CD46: variants seen among roughly 807,000 people sequenced by gnomAD.
The protein encoded by CD46 is membrane cofactor protein.
A neutral mutation model predicts 53.3 loss-of-function variants in CD46; 30 were observed. The observed-to-expected ratio is 0.56, with a 90% confidence interval of 0.42 to 0.76. CD46 has a LOEUF of 0.76. Among genes scored for constraint, CD46 ranks in the 30% least tolerant of loss-of-function variants. The pLI, the probability that CD46 is intolerant of heterozygous loss-of-function variation, is 0.00. For missense variants in CD46, 409 were observed against 463.0 expected (o/e 0.88, Z 1.07); for synonymous variants, 142 against 152.0 (o/e 0.93, Z 0.48).
At chr1:207,768,088 T>C (rs1488248211) in intron 7 of CD46, 1 of 396,444 alleles carries the variant, frequency 2.5e-6, no homozygotes, top group Admixed American at 3.9e-5. Context: ...TATAGAGAAA[T>C]TGATTTAGTA....
At chr1:207,779,913 C>CTTTTTTTTTTCTTTTTTTTTTTTTT (rs1658545318) in intron 8 of CD46, among the ~76,000 whole-genome samples, 1 of 62,384 alleles carries the variant, frequency 1.6e-5, no homozygotes, top group African/African-American at 6.3e-5. Flanking sequence ...AAAAGCAAGT[C>CTTTTTTTTTTCTTTTTTTTTTTTTT]TTTTTTTTTT....
chr1:207,776,925 C>T (rs1182289392), intron 8 of CD46, among the ~76,000 whole-genome samples: 1 of 152,216 alleles, frequency 6.6e-6, no homozygotes, highest in Non-Finnish European at 1.5e-5. Flanking sequence ...TGTGACCCAC[C>T]ATGCCCGGCC....
intron 11 of CD46, chr1:207,785,913 C>CT: frequency 2.3e-6 from 1 of 442,724 alleles, no homozygotes; most frequent in Non-Finnish European, 4.1e-6. Flanking sequence ...GCTATTATGA[C>CT]TTTAAGAAAA....
At chr1:207,770,209 A>G (rs1207616401) in intron 7 of CD46, 112 bp from the exon 8 acceptor site, 4 of 795,028 alleles carry the variant, frequency 5.0e-6, no homozygotes, top group Middle Eastern at 3.6e-4. Context: ...CAAAGTTTGT[A>G]AAGTGTGTAG....
At chr1:207,775,132 C>A (rs3109808) in intron 8 of CD46, among the ~76,000 whole-genome samples, 88,487 of 151,982 alleles carry the variant, frequency 0.58, 26,260 homozygotes, top group East Asian at 0.87. Context: ...TTAATCTGAT[C>A]TTCAATCACT....
At chr1:207,781,951 A>C (rs187693068) in intron 8 of CD46, among the ~76,000 whole-genome samples, 273 of 152,118 alleles carry the variant, frequency 1.8e-3, no homozygotes, top group Middle Eastern at 3.4e-3. Context: ...GAAAAAAAAA[A>C]CCAAAAAATA....
At chr1:207,772,312 G>A (rs1657600908) in intron 8 of CD46, among the ~76,000 whole-genome samples, 1 of 152,152 alleles carries the variant, frequency 6.6e-6, no homozygotes, top group South Asian at 2.1e-4. Flanking sequence ...CTGAGACGAT[G>A]GGGTTTTCTA....
chr1:207,785,906 A>G (rs766389035), intron 11 of CD46: 10 of 463,564 alleles, frequency 2.2e-5, no homozygotes, highest in Non-Finnish European at 3.5e-5. Flanking sequence ...TCCTACAGCT[A>G]TTATGACTTT....
Position 207,794,773 on chromosome 1 carries a change from C to T in CD46, c.*1296C>T, listed in dbSNP as rs1043052648. On this transcript the variant is annotated 3_prime_UTR_variant, in exon 13 of 13. Coordinates refer to ENST00000367042, the MANE Select transcript of CD46 (RefSeq NM_172351.3). ...CCCTCTACTGAGTCCCTTAGCCAAGCAGTTTCTTTCAAAGAAGCCAGCAGG... is the reference window on the plus strand; with the variant it reads ...CCCTCTACTGAGTCCCTTAGCCAAGTAGTTTCTTTCAAAGAAGCCAGCAGG... The T allele has an allele frequency of 3.9e-5, 6 of 152,214 alleles. No individual in the cohort carries two copies. Among genetic ancestry groups the T allele is most frequent in the African/African-American group, 1.4e-4 (6 of 41,452 alleles). The allele number at this position is 152,214 out of a possible 1,614,324, so 9.4% of individuals were successfully genotyped here. A position where few individuals can be genotyped will look rare whatever the true frequency, so the allele number is the denominator to read the frequency against.
At chr1:207,790,593 A>G (rs1165355305) in intron 12 of CD46, among the ~76,000 whole-genome samples, 3 of 152,214 alleles carry the variant, frequency 2.0e-5, no homozygotes, top group Admixed American at 6.5e-5. Context: ...CTTTTATCAG[A>G]CGATCTCACT....
intron 5 of CD46, among the ~76,000 whole-genome samples, chr1:207,763,835 G>A (rs1024428121): frequency 7.6e-6 from 1 of 131,138 alleles, no homozygotes; most frequent in Non-Finnish European, 1.6e-5. Context: ...CAGCGTTAAC[G>A]TATGATTTTT....
chr1:207,778,021 G>T (rs1392214924), intron 8 of CD46, among the ~76,000 whole-genome samples: 2 of 151,870 alleles, frequency 1.3e-5, no homozygotes, highest in Middle Eastern at 3.2e-3. Context: ...GTTTTGATTT[G>T]CATTTCTCTA....
intron 5 of CD46, among the ~76,000 whole-genome samples, chr1:207,764,851 GGA>G (rs1656665535): frequency 6.6e-6 from 1 of 152,272 alleles, no homozygotes; most frequent in African/African-American, 2.4e-5. Context: ...GCTTCACTGG[GGA>G]GTTCTACCAA....
chr1:207,767,975 G>A, intron 7 of CD46, 152 bp downstream of exon 7: 1 of 664,558 alleles, frequency 1.5e-6, no homozygotes, highest in Non-Finnish European at 2.6e-6. Flanking sequence ...GTTATACATA[G>A]TGATTCTAAA....
Position 207,790,278 on chromosome 1 carries a change from A to G in CD46, c.1108A>G (p.Arg370Gly), listed in dbSNP as rs757404475. 8.8e-6 allele frequency: 14 copies of G among 1,597,192 alleles called. No homozygotes were observed. The African/African-American group carries it at 1.7e-4, about 20-fold the overall frequency. The change falls in exon 12 of 13, where the codon AGA becomes GGA. Residue 370 changes from arginine (R) to glycine (G), a missense_variant. Physicochemically the swap from Arg to Gly is moderately radical, Grantham distance 125. Coordinates refer to ENST00000367042, the MANE Select transcript of CD46 (RefSeq NM_172351.3). ...KGTYLTDETHREVKFTSL is the reference protein window; with the variant it reads ...KGTYLTDETHGEVKFTSL ...CACATACCTAACTGATGAGACCCAC[A>G]GAGAAGTAAAATTTACTTCTCTCTG...
At chr1:207,781,351 A>G (rs142166587) in intron 8 of CD46, among the ~76,000 whole-genome samples, 185 of 152,104 alleles carry the variant, frequency 1.2e-3, no homozygotes, top group Middle Eastern at 3.4e-3. Context: ...TATCAAATAT[A>G]TGATTTACAA....
intron 10 of CD46, 36 bp from the exon 11 acceptor site, chr1:207,785,583 A>G (rs1369336018): frequency 1.4e-6 from 2 of 1,477,796 alleles, no homozygotes; most frequent in African/African-American, 2.8e-5. Context: ...ATTAGTTTTC[A>G]GAATTATATG....
chr1:207,764,092 G>T (rs1048412920), intron 5 of CD46, among the ~76,000 whole-genome samples: 4 of 151,968 alleles, frequency 2.6e-5, no homozygotes, highest in Admixed American at 6.6e-5. Context: ...GAAATCACAG[G>T]CACCAGTTGA....
At position 207,793,765 on chromosome 1, in the gene CD46, G is replaced by A; in HGVS notation, c.*288G>A. On this transcript the variant is annotated 3_prime_UTR_variant, in exon 13 of 13. Coordinates refer to ENST00000367042, the MANE Select transcript of CD46 (RefSeq NM_172351.3). ...CTTCTTTGAAACTTGTATGAATTTGGGTATGAACAGATTGCCTGCTTTCCC... is the reference window on the plus strand; with the variant it reads ...CTTCTTTGAAACTTGTATGAATTTGAGTATGAACAGATTGCCTGCTTTCCC... 1 of 681,954 alleles carries A rather than the reference G, an allele frequency of 1.5e-6. No individual in the cohort carries two copies. The highest frequency in any genetic ancestry group is 2.1e-5 in the Admixed American group (1 of 48,180). 42.2% of individuals were successfully genotyped at this position (681,954 alleles called of 1,614,324 possible).
Sources: allele counts gnomAD v4.1 joint callset (sites outside exome capture counted in the v4.1 genomes callset), GRCh38; gene constraint gnomAD v4.1.1; transcripts MANE v1.5; gene names NCBI Gene and HGNC (gene_info 2026-07-23, HGNC 2026-07-21).